Variants in MGAT4C observed in about 807,000 individuals in gnomAD.
MGAT4C encodes alpha-1,3-mannosyl-glycoprotein 4-beta-N-acetylglucosaminyltransferase C.
In MGAT4C, 19 loss-of-function variants were observed where a neutral mutation model predicts 40.1. The observed-to-expected ratio is 0.47, with a 90% confidence interval of 0.33 to 0.70. MGAT4C has a LOEUF of 0.70. MGAT4C is among the 30% of genes least tolerant of loss of function. The pLI is 0.02. For missense variants in MGAT4C, 491 were observed against 563.2 expected, an observed-to-expected ratio of 0.87 and a Z score of 1.30; for synonymous variants, 181 against 187.1, an observed-to-expected ratio of 0.97 and a Z score of 0.27.
At chr12:86,535,352 T>A (rs1959050714) in intron 2 of MGAT4C, among the ~76,000 whole-genome samples, 1 of 152,234 alleles carries the variant, frequency 6.6e-6, no homozygotes, top group Non-Finnish European at 1.5e-5. Context: ...GTCTACAATT[T>A]TTTAAATGAA....
At chr12:86,767,085 T>C (rs562564004) in intron 1 of MGAT4C, among the ~76,000 whole-genome samples, 2 of 152,090 alleles carry the variant, frequency 1.3e-5, no homozygotes, top group Admixed American at 1.3e-4. Flanking sequence ...CAGAAGCTGG[T>C]TTTTTGAAAA....
intron 1 of MGAT4C, among the ~76,000 whole-genome samples, chr12:86,124,557 T>C (rs1003629375): frequency 6.6e-6 from 1 of 152,120 alleles, no homozygotes; most frequent in African/African-American, 2.4e-5. Flanking sequence ...TCCTAATTTG[T>C]AGAGCAAGTG....
At position 86,705,184 on chromosome 12, in the gene MGAT4C, ACT is replaced by A. The variant is rs1452511008; in HGVS notation, c.-229+22023_-229+22024del. 2.6e-5 allele frequency among the ~76,000 whole-genome samples: 4 copies of A among 151,400 alleles called. No individual in the cohort carries two copies. In the Admixed American group the frequency reaches 2.6e-4, roughly 10 times the overall value. Reference sequence around the variant, plus strand: ...ACTTTGGTCTTCCAAGGTTTTCTAAACTCTCTAATTATCTATCTATCTGTCTA... The same window carrying A: ...ACTTTGGTCTTCCAAGGTTTTCTAAACTCTAATTATCTATCTATCTGTCTA... On this transcript the variant is annotated intron_variant, in intron 2 of 7. Coordinates refer to the MGAT4C transcript ENST00000548651.
chr12:86,328,130 T>G (rs978342973), intron 4 of MGAT4C, among the ~76,000 whole-genome samples: 2 of 152,186 alleles, frequency 1.3e-5, no homozygotes, highest in Non-Finnish European at 2.9e-5. Context: ...TTATAAATGT[T>G]TAATGTACCA....
chr12:86,043,427 C>A (rs1192807401), intron 2 of MGAT4C, among the ~76,000 whole-genome samples: 1 of 152,140 alleles, frequency 6.6e-6, no homozygotes, highest in East Asian at 1.9e-4. Flanking sequence ...AACTTGGAGT[C>A]CAATGTTCAA....
intron 1 of MGAT4C, among the ~76,000 whole-genome samples, chr12:86,076,716 T>C (rs1238053925): frequency 6.6e-6 from 1 of 152,048 alleles, no homozygotes; most frequent in East Asian, 1.9e-4. Flanking sequence ...TTATTCACCA[T>C]CATGAGAATA....
chr12:86,403,134 T>A (rs548333986), intron 3 of MGAT4C, among the ~76,000 whole-genome samples: 1 of 152,350 alleles, frequency 6.6e-6, no homozygotes, highest in African/African-American at 2.4e-5. Flanking sequence ...TGTTATGGCA[T>A]CTTTATTTAA....
At chr12:86,276,403 A>G (rs6538028) in intron 4 of MGAT4C, among the ~76,000 whole-genome samples, 100,589 of 152,046 alleles carry the variant, frequency 0.66, 33,789 homozygotes, top group South Asian at 0.77. Context: ...CAAGTAATTT[A>G]CCCTTTATGT....
rs548634830 is a variant in MGAT4C at position 86,705,827 on chromosome 12, G to T, written c.-229+21382C>A. 8.5e-5 allele frequency among the ~76,000 whole-genome samples: 13 copies of T among 152,242 alleles called. No individual in the cohort carries two copies. The East Asian group carries it at 2.3e-3, about 27-fold the overall frequency. ...TAAGATCATACTAAGTATTACAGAA[G>T]TCATGGGACAGTAGTTCCACTTATG... On this transcript the variant is annotated intron_variant, in intron 2 of 7. Coordinates refer to the MGAT4C transcript ENST00000548651.
intron 4 of MGAT4C, among the ~76,000 whole-genome samples, chr12:86,262,712 A>G: frequency 6.6e-6 from 1 of 152,242 alleles, no homozygotes; most frequent in Middle Eastern, 3.4e-3. Flanking sequence ...AAACTTTGGC[A>G]TGAAATTGGA....
intron 2 of MGAT4C, among the ~76,000 whole-genome samples, chr12:86,549,526 T>A (rs1448972055): frequency 6.6e-6 from 1 of 152,192 alleles, no homozygotes; most frequent in East Asian, 1.9e-4. Flanking sequence ...CATTTTAGGT[T>A]TAATGATGCT....
intron 3 of MGAT4C, among the ~76,000 whole-genome samples, chr12:86,423,075 A>G (rs1200550778): frequency 1.3e-5 from 2 of 152,154 alleles, no homozygotes; most frequent in African/African-American, 4.8e-5. Context: ...GAATTAGAAA[A>G]TCAGCTGTTT....
At chr12:86,684,963 A>C (rs992760969) in intron 2 of MGAT4C, among the ~76,000 whole-genome samples, 1 of 151,964 alleles carries the variant, frequency 6.6e-6, no homozygotes. Context: ...AGATTGCAAA[A>C]ATTTTCTCCT....
At chr12:86,534,809 CCT>C (rs571665146) in intron 2 of MGAT4C, among the ~76,000 whole-genome samples, 9 of 152,054 alleles carry the variant, frequency 5.9e-5, no homozygotes, top group African/African-American at 2.2e-4. Context: ...TTATTCTGCC[CCT>C]GTTTTGTTAT....
At chr12:86,648,636 A>G (rs571218809) in intron 2 of MGAT4C, among the ~76,000 whole-genome samples, 1 of 152,050 alleles carries the variant, frequency 6.6e-6, no homozygotes, top group African/African-American at 2.4e-5. Context: ...GAGGGAGTTG[A>G]ATAGATAGGC....
At chr12:86,364,996 G>C (rs1048401712) in intron 3 of MGAT4C, among the ~76,000 whole-genome samples, 1 of 152,098 alleles carries the variant, frequency 6.6e-6, no homozygotes, top group African/African-American at 2.4e-5. Flanking sequence ...CAACTGGTCT[G>C]ACCAAAATTT....
intron 2 of MGAT4C, among the ~76,000 whole-genome samples, chr12:86,512,882 G>A (rs962741872): frequency 8.6e-5 from 13 of 151,988 alleles, no homozygotes; most frequent in African/African-American, 3.1e-4. Context: ...TAATAATACT[G>A]TATTGTATAT....
At chr12:86,400,329 G>A (rs1956333656) in intron 3 of MGAT4C, among the ~76,000 whole-genome samples, 1 of 152,078 alleles carries the variant, frequency 6.6e-6, no homozygotes, top group African/African-American at 2.4e-5. Context: ...TTATTTCTTA[G>A]TATTAGGATT....
At chr12:86,119,722 C>CT (rs11306440) in intron 1 of MGAT4C, among the ~76,000 whole-genome samples, 3,228 of 122,152 alleles carry the variant, frequency 0.026, 40 homozygotes, top group African/African-American at 0.042. Flanking sequence ...TCCCACCATT[C>CT]TTTTTTTTTT....
Sources: allele counts gnomAD v4.1 joint callset (sites outside exome capture counted in the v4.1 genomes callset), GRCh38; gene constraint gnomAD v4.1.1; transcripts MANE v1.5; gene names NCBI Gene and HGNC (gene_info 2026-07-23, HGNC 2026-07-21).